The following TACC2 variants were observed in gnomAD, a reference collection of about 807,000 sequenced individuals.
The protein encoded by TACC2 is transforming acidic coiled-coil-containing protein 2.
In TACC2, 137 loss-of-function variants were observed where a neutral mutation model predicts 227.3. The ratio of observed to expected loss-of-function variants is 0.60; its 90% CI spans 0.52 to 0.69. The LOEUF (loss-of-function observed/expected upper bound fraction) is 0.69, where lower values mean the gene tolerates loss of function less well. TACC2 is among the 30% of genes least tolerant of loss of function. The pLI is 0.00. For synonymous variants in TACC2, 1,523 were observed against 1,487.5 expected, an observed-to-expected ratio of 1.02 and a Z score of -0.55; for missense variants, 3,470 against 3,694.4, an observed-to-expected ratio of 0.94 and a Z score of 1.57.
chr10:122,163,413 A>T, intron 7 of TACC2: 1 of 274,184 alleles, frequency 3.6e-6, no homozygotes, highest in Non-Finnish European at 5.6e-6. Context: ...TTTGCATTTC[A>T]AAGCTACACA....
At position 122,142,327 on chromosome 10, in the gene TACC2, C is replaced by G. The variant is rs111463954; in HGVS notation, c.5700-1245C>G. Among the ~76,000 whole-genome samples the G allele has an allele frequency of 1.6e-3, 243 of 152,314 alleles. 1 individual carries two copies. The highest frequency in any genetic ancestry group is 5.5e-3 in the African/African-American group (228 of 41,562). ...CTGTGGGCGGCCTGGCCCAGGGTTG[C>G]GATCCTGCGGTGGATGTGGCAGATG... On this transcript the variant is annotated intron_variant, in intron 6 of 22. Transcript: ENST00000369005.
At chr10:122,233,521 AGC>A (rs771034756) in intron 16 of TACC2, among the ~76,000 whole-genome samples, 42 of 152,294 alleles carry the variant, frequency 2.8e-4, no homozygotes, top group Admixed American at 9.2e-4. Context: ...CGATGCCTGG[AGC>A]TTACATGAGC....
chr10:122,237,947 C>T lies in TACC2; in HGVS notation c.8272-14C>T, dbSNP rs1238483485. 3.7e-6 allele frequency: 6 copies of T among 1,606,012 alleles called. No individual in the cohort carries two copies. The African/African-American group carries it at 8.0e-5, about 21-fold the overall frequency. ...ATTTGGGGCTAACCTTTCTCTTCTT[C>T]TCTCTGAAACTAGATCATAACCAAG... On this transcript the variant is annotated splice_polypyrimidine_tract_variant and intron_variant, in intron 17 of 22. Transcript: ENST00000369005.
Position 122,143,723 on chromosome 10 carries a change from C to G in TACC2, c.5834+17C>G, listed in dbSNP as rs1171667535. The G allele has an allele frequency of 6.2e-7, 1 of 1,611,256 alleles. No homozygotes were observed. The highest frequency in any genetic ancestry group is 1.1e-5 in the South Asian group (1 of 90,864). Reference sequence around the variant, plus strand: ...CCTCAGCAGGTATTGCGCAAGTCCCCCTCCACAGCACCTGCCCCCGGAGAG... The same window carrying G: ...CCTCAGCAGGTATTGCGCAAGTCCCGCTCCACAGCACCTGCCCCCGGAGAG... On this transcript the variant is annotated intron_variant, in intron 7 of 22. Coordinates refer to ENST00000369005, the MANE Select transcript of TACC2 (RefSeq NM_206862.4).
chr10:122,059,111 T>G (rs1338024851), intron 3 of TACC2, among the ~76,000 whole-genome samples: 2 of 143,112 alleles, frequency 1.4e-5, no homozygotes, highest in South Asian at 2.3e-4. Flanking sequence ...AGAGACGGGG[T>G]TTCACCATGT....
intron 22 of TACC2, among the ~76,000 whole-genome samples, chr10:122,252,340 C>T (rs960314817): frequency 6.6e-6 from 1 of 152,038 alleles, no homozygotes; most frequent in South Asian, 2.1e-4. Flanking sequence ...TACTGGCTTC[C>T]TTGAAGGCAC....
At chr10:122,172,579 G>A (rs1272915972) in intron 7 of TACC2, among the ~76,000 whole-genome samples, 4 of 152,218 alleles carry the variant, frequency 2.6e-5, no homozygotes, top group African/African-American at 4.8e-5. Context: ...GGAAGAAGGC[G>A]GGAGAGGTTG....
intron 16 of TACC2, among the ~76,000 whole-genome samples, chr10:122,233,772 G>A (rs1221878267): frequency 6.6e-6 from 1 of 152,166 alleles, no homozygotes; most frequent in Non-Finnish European, 1.5e-5. Flanking sequence ...GTCATTGGCT[G>A]GAGGCTGTGT....
At chr10:122,058,600 G>T (rs1202543429) in intron 3 of TACC2, among the ~76,000 whole-genome samples, 7 of 152,068 alleles carry the variant, frequency 4.6e-5, no homozygotes, top group African/African-American at 1.4e-4. Flanking sequence ...GTAGAGACGG[G>T]GTTTCACCAT....
chr10:122,250,845 C>T (rs1209440926), intron 22 of TACC2, among the ~76,000 whole-genome samples: 1 of 151,882 alleles, frequency 6.6e-6, no homozygotes, highest in Non-Finnish European at 1.5e-5. Flanking sequence ...TCCACTAGGC[C>T]CTGTGCCCTA....
chr10:122,167,245 A>T (rs1261967816), intron 7 of TACC2, among the ~76,000 whole-genome samples: 2 of 152,200 alleles, frequency 1.3e-5, no homozygotes, highest in Non-Finnish European at 2.9e-5. Flanking sequence ...CAAATATGGA[A>T]ACCCATACTC....
intron 1 of TACC2, among the ~76,000 whole-genome samples, chr10:121,992,255 G>C (rs1479090156): frequency 6.6e-6 from 1 of 152,174 alleles, no homozygotes; most frequent in Non-Finnish European, 1.5e-5. Context: ...GATATGCCAG[G>C]CTGTTCTTTT....
At chr10:122,028,088 T>TTTTTTTTTTCTTTTTTTCTTTTTTTC (rs1217270392) in intron 2 of TACC2, among the ~76,000 whole-genome samples, 1 of 110,004 alleles carries the variant, frequency 9.1e-6, no homozygotes, top group African/African-American at 4.1e-5. Flanking sequence ...TTCTTTCTTT[T>TTTTTTTTTTCTTTTTTTCTTTTTTTC]TTTTTTTTTT....
intron 18 of TACC2, among the ~76,000 whole-genome samples, chr10:122,239,154 C>T (rs879504116): frequency 8.5e-5 from 13 of 152,108 alleles, no homozygotes; most frequent in Non-Finnish European, 1.6e-4. Flanking sequence ...CAGGCACCTG[C>T]CACCATGCCC....
chr10:122,083,575 G>C lies in TACC2; in HGVS notation c.1075G>C (p.Ala359Pro). The C allele has an allele frequency of 6.2e-7, 1 of 1,612,948 alleles. No individual in the cohort carries two copies. The highest frequency in any genetic ancestry group is 8.5e-7 in the Non-Finnish European group (1 of 1,179,938). Residue 359 changes from alanine to proline, a missense_variant, in exon 4 of 23, where the codon GCT becomes CCT. Ala to Pro is a conservative substitution (Grantham distance 27). Coordinates refer to ENST00000369005, the MANE Select transcript of TACC2 (RefSeq NM_206862.4). Reference protein sequence around the residue: ...GLPSPALVPEAGGSGKEALDT... With the variant: ...GLPSPALVPEPGGSGKEALDT... Reference sequence around the variant, plus strand: ...GCCAAGTCCTGCCCTGGTGCCAGAGGCTGGGGGCTCTGGGAAGGAGGCTCT... The same window carrying C: ...GCCAAGTCCTGCCCTGGTGCCAGAGCCTGGGGGCTCTGGGAAGGAGGCTCT...
rs752989752 is a variant in TACC2, at chr10:122,226,522, T to C, written c.7724+41T>C. 5 of 1,432,946 alleles carry C rather than the reference T, an allele frequency of 3.5e-6. No individual in the cohort carries two copies. The South Asian group carries it at 5.9e-5, about 17-fold the overall frequency. 88.8% of individuals were successfully genotyped at this position (1,432,946 alleles called of 1,614,324 possible). A position where few individuals can be genotyped will look rare whatever the true frequency, so the allele number is the denominator to read the frequency against. ...TGAGAGAGTTACACATCATGCTGGA[T>C]GTTCTAAAGCCTCTGAGCACCTTCA... On this transcript the variant is annotated intron_variant, in intron 13 of 22. Coordinates refer to ENST00000369005, the MANE Select transcript of TACC2 (RefSeq NM_206862.4).
chr10:122,080,211 C>CTTTTTTTTTTTTTTT (rs111618289), intron 3 of TACC2, among the ~76,000 whole-genome samples: 1 of 113,198 alleles, frequency 8.8e-6, no homozygotes. Flanking sequence ...TCTTCCTTTC[C>CTTTTTTTTTTTTTTT]TTTTTTTTTT....
intron 5 of TACC2, among the ~76,000 whole-genome samples, chr10:122,097,915 C>G (rs1441124588): frequency 6.6e-6 from 1 of 152,108 alleles, no homozygotes; most frequent in East Asian, 1.9e-4. Flanking sequence ...AAATGTGCAC[C>G]CAAGCCAGGC....
chr10:121,996,597 A>G (rs1953532497), intron 1 of TACC2, among the ~76,000 whole-genome samples: 1 of 152,212 alleles, frequency 6.6e-6, no homozygotes, highest in Admixed American at 6.5e-5. Flanking sequence ...TCATTTCTTC[A>G]TTTCATTCAG....
Sources: allele counts gnomAD v4.1 joint callset (sites outside exome capture counted in the v4.1 genomes callset), GRCh38; gene constraint gnomAD v4.1.1; transcripts MANE v1.5; gene names NCBI Gene and HGNC (gene_info 2026-07-23, HGNC 2026-07-21).